Variants in PTPRM observed in about 807,000 individuals in gnomAD.
The protein encoded by PTPRM is receptor-type tyrosine-protein phosphatase mu.
A neutral mutation model predicts 186.7 loss-of-function variants in PTPRM; 47 were observed. The ratio of observed to expected loss-of-function variants is 0.25; its 90% CI spans 0.20 to 0.32. PTPRM has a LOEUF of 0.32. PTPRM is among the 10% of genes least tolerant of loss of function. PTPRM has a pLI of 1.00. For synonymous variants in PTPRM, 668 were observed against 674.9 expected (o/e 0.99, Z 0.16); for missense variants, 1,494 against 1,865.0 (o/e 0.80, Z 3.66).
intron 11 of PTPRM, among the ~76,000 whole-genome samples, chr18:8,107,233 A>G (rs1055457194): frequency 6.6e-6 from 1 of 152,230 alleles, no homozygotes; most frequent in African/African-American, 2.4e-5. Flanking sequence ...TGTTAAAAGC[A>G]GGAGACATCA....
At chr18:8,270,278 C>T (rs1362859012) in intron 19 of PTPRM, 2 of 150,866 alleles carry the variant, frequency 1.3e-5, no homozygotes, top group East Asian at 1.9e-4. Context: ...TAACCTGATA[C>T]ATTTTTCCAA....
At chr18:7,725,458 A>G (rs2040528629) in intron 1 of PTPRM, among the ~76,000 whole-genome samples, 1 of 152,102 alleles carries the variant, frequency 6.6e-6, no homozygotes. Flanking sequence ...CTCAAGCCAA[A>G]GAGCCTGGAA....
chr18:7,966,527 C>A (rs1197892893), intron 7 of PTPRM, among the ~76,000 whole-genome samples: 4 of 151,356 alleles, frequency 2.6e-5, no homozygotes, highest in African/African-American at 9.7e-5. Flanking sequence ...GTGATTTCTG[C>A]ATTTCCATCT....
At chr18:8,322,677 G>A (rs1219158132) in intron 22 of PTPRM, among the ~76,000 whole-genome samples, 1 of 152,142 alleles carries the variant, frequency 6.6e-6, no homozygotes, top group African/African-American at 2.4e-5. Context: ...AGAAGTGATC[G>A]TATTTCACAA....
At chr18:8,303,605 A>AG (rs2095185952) in intron 20 of PTPRM, among the ~76,000 whole-genome samples, 1 of 152,192 alleles carries the variant, frequency 6.6e-6, no homozygotes, top group African/African-American at 2.4e-5. Flanking sequence ...AGGAAGGCAT[A>AG]GGGTAGAATA....
At chr18:8,153,352 C>T (rs902184195) in intron 14 of PTPRM, among the ~76,000 whole-genome samples, 2 of 152,142 alleles carry the variant, frequency 1.3e-5, no homozygotes, top group African/African-American at 2.4e-5. Context: ...CTGGGTCTCT[C>T]TGGTAGTCGT....
intron 14 of PTPRM, among the ~76,000 whole-genome samples, chr18:8,224,747 C>G (rs1389581603): frequency 2.6e-5 from 4 of 152,170 alleles, no homozygotes; most frequent in African/African-American, 9.7e-5. Flanking sequence ...TGAATAAACC[C>G]TTCATCCTGT....
intron 19 of PTPRM, among the ~76,000 whole-genome samples, chr18:8,294,348 G>T (rs1271347374): frequency 6.6e-6 from 1 of 152,316 alleles, no homozygotes. Context: ...GGAAGCCTCA[G>T]GAAACTAACA....
chr18:7,996,670 A>T (rs950149827), intron 7 of PTPRM, among the ~76,000 whole-genome samples: 1 of 152,138 alleles, frequency 6.6e-6, no homozygotes, highest in Admixed American at 6.6e-5. Flanking sequence ...CTATTAGAAC[A>T]TGTAATCAAT....
At chr18:7,967,715 G>C (rs1419061282) in intron 7 of PTPRM, among the ~76,000 whole-genome samples, 2 of 134,622 alleles carry the variant, frequency 1.5e-5, no homozygotes, top group African/African-American at 6.0e-5. Context: ...AGCAATGCAA[G>C]ATGAAATGAA....
At chr18:7,586,452 G>C (rs2036982038) in intron 1 of PTPRM, among the ~76,000 whole-genome samples, 1 of 152,046 alleles carries the variant, frequency 6.6e-6, no homozygotes, top group Non-Finnish European at 1.5e-5. Flanking sequence ...CAACAGATAG[G>C]TTTGCTTATT....
intron 2 of PTPRM, among the ~76,000 whole-genome samples, chr18:7,776,873 A>AAC (rs2042610546): frequency 6.6e-6 from 1 of 152,194 alleles, no homozygotes; most frequent in Admixed American, 6.5e-5. Context: ...GCATCTTATA[A>AAC]ACATGCATGT....
At chr18:8,079,321 G>A (rs953140510) in intron 9 of PTPRM, among the ~76,000 whole-genome samples, 3 of 152,018 alleles carry the variant, frequency 2.0e-5, no homozygotes, top group Non-Finnish European at 4.4e-5. Flanking sequence ...TACAACCTGG[G>A]TCTGATCATT....
chr18:8,069,889 A>C lies in PTPRM; in HGVS notation c.1336A>C (p.Ile446Leu), dbSNP rs759041667. The C allele has an allele frequency of 6.2e-7, 1 of 1,613,892 alleles. No homozygotes were observed. ...AGAAAACTCACACCCTCAACACACG[A>C]TCACTAACCTGTCACCATACACCAA... ...DTENSHPQHT[I>L]TNLSPYTNVS... Residue 446 changes from isoleucine to leucine, a missense_variant, in exon 8 of 33, where the codon ATC (isoleucine) becomes CTC (leucine). Physicochemically the swap from Ile to Leu is conservative, Grantham distance 5. Around this residue, in one of 3 missense-constraint regions of PTPRM, gnomAD observed 1,107 missense variants for 1,350.2 expected, o/e 0.82. Transcript: ENST00000580170.
rs71896963 is a variant in PTPRM at position 8,244,284 on chromosome 18, C to CAAAAA, written c.2452+84_2452+88dup. ...GATTCCAGGTGGTACTAGGGGATTT[C>CAAAAA]AAAAAAAAAAAAAGCTTCCTGAAGA... On this transcript the variant is annotated intron_variant, in intron 15 of 32. Coordinates refer to ENST00000580170, the MANE Select transcript of PTPRM (RefSeq NM_001105244.2). The CAAAAA allele has an allele frequency of 5.6e-5, 61 of 1,088,028 alleles. No individual in the cohort carries two copies. The African/African-American group carries it at 7.5e-4, about 13-fold the overall frequency. 67.4% of individuals were successfully genotyped at this position (1,088,028 alleles called of 1,614,324 possible).
At chr18:8,077,452 AACAC>A (rs1018269228) in intron 9 of PTPRM, among the ~76,000 whole-genome samples, 3 of 152,148 alleles carry the variant, frequency 2.0e-5, no homozygotes, top group African/African-American at 7.2e-5. Flanking sequence ...TTGGTATTGA[AACAC>A]ACACAAAAAT....
At chr18:8,342,570 C>T (rs1398595208) in intron 22 of PTPRM, among the ~76,000 whole-genome samples, 6 of 152,220 alleles carry the variant, frequency 3.9e-5, no homozygotes, top group Admixed American at 6.5e-5. Flanking sequence ...TATCATGTGA[C>T]TCTCCAAGCC....
intron 1 of PTPRM, among the ~76,000 whole-genome samples, chr18:7,613,413 G>A (rs190846019): frequency 9.9e-4 from 150 of 152,258 alleles, no homozygotes; most frequent in African/African-American, 3.3e-3. Flanking sequence ...GGTGGCTCAC[G>A]CCTGTAATCC....
intron 7 of PTPRM, among the ~76,000 whole-genome samples, chr18:7,973,412 A>G (rs2054706901): frequency 6.6e-6 from 1 of 152,186 alleles, no homozygotes; most frequent in Admixed American, 6.5e-5. Flanking sequence ...ATGATCTTTT[A>G]AAACTTAAAA....
Sources: gnomAD v4.1 joint callset for allele counts (sites outside exome capture counted in the v4.1 genomes callset) on GRCh38, gnomAD v4.1.1 for gene constraint, gnomAD v4.1.1 regional missense constraint, MANE v1.5 for transcripts, NCBI Gene and HGNC (gene_info 2026-07-23, HGNC 2026-07-21) for gene names.